COL23A1: variants seen among roughly 807,000 people sequenced by gnomAD.
COL23A1 encodes the protein collagen type XXIII alpha 1 chain, also known as collagen alpha-1(XXIII) chain.
COL23A1 carries 97 observed loss-of-function variants against 99.3 expected under a neutral mutation model. That is an observed-to-expected ratio of 0.98 (90% CI 0.83 to 1.16). The LOEUF (loss-of-function observed/expected upper bound fraction) is 1.16. COL23A1 is among the 50% of genes most tolerant of loss of function. The pLI is 0.00. For missense variants in COL23A1, 762 were observed against 757.4 expected (o/e 1.01, Z -0.07); for synonymous variants, 320 against 308.2 (o/e 1.04, Z -0.40).
chr5:178,508,984 G>A (rs956393405), intron 2 of COL23A1, among the ~76,000 whole-genome samples: 26 of 152,162 alleles, frequency 1.7e-4, no homozygotes, highest in African/African-American at 6.0e-4. Flanking sequence ...GAAGTTACTT[G>A]AAGCCTTTAA....
chr5:178,330,353 A>C (rs1451163587), intron 2 of COL23A1, among the ~76,000 whole-genome samples: 3 of 152,232 alleles, frequency 2.0e-5, no homozygotes, highest in African/African-American at 7.2e-5. Context: ...CTCCCTCTGC[A>C]CACGGGTGCA....
chr5:178,249,185 C>T lies in COL23A1; in HGVS notation c.1081G>A (p.Asp361Asn), dbSNP rs369459030. The T allele has an allele frequency of 6.2e-7, 1 of 1,614,248 alleles. No homozygotes were observed. Among genetic ancestry groups the T allele is most frequent in the Non-Finnish European group, 8.5e-7 (1 of 1,180,038 alleles). ...CCTGCTGGCCCAGGCTCTCCTGGGT[C>T]TCCTTTCTGTCCTTTGGGGCCCTGA... ...GEKGPKGQKGDPGEPGPAGLK... is the reference protein window; with the variant it reads ...GEKGPKGQKGNPGEPGPAGLK... Residue 361 changes from aspartate to asparagine, a missense_variant, in exon 19 of 29, where the codon GAC becomes AAC. By Grantham distance (23) the Asp-to-Asn change is conservative. Transcript: ENST00000390654.
At chr5:178,587,715 C>T (rs1320661479) in intron 1 of COL23A1, among the ~76,000 whole-genome samples, 1 of 152,198 alleles carries the variant, frequency 6.6e-6, no homozygotes, top group Admixed American at 6.5e-5. Flanking sequence ...GAAAAAGTAT[C>T]TATACATCTA....
chr5:178,344,801 T>C (rs1439214407), intron 2 of COL23A1: 2 of 582,620 alleles, frequency 3.4e-6, no homozygotes, highest in African/African-American at 3.8e-5. Flanking sequence ...AATTTCTCTT[T>C]GTTAAGATCA....
chr5:178,451,935 ATTC>A (rs1767512744), intron 2 of COL23A1, among the ~76,000 whole-genome samples: 1 of 152,142 alleles, frequency 6.6e-6, no homozygotes. Context: ...AGAAATAATA[ATTC>A]TTATGTTAAT....
intron 2 of COL23A1, among the ~76,000 whole-genome samples, chr5:178,353,970 C>G (rs1282122377): frequency 6.7e-6 from 1 of 150,118 alleles, no homozygotes; most frequent in African/African-American, 2.5e-5. Flanking sequence ...AAAACCCCAA[C>G]AAAAAACAGG....
intron 5 of COL23A1, among the ~76,000 whole-genome samples, chr5:178,284,439 TAGAC>T (rs1421201270): frequency 6.6e-6 from 1 of 152,218 alleles, no homozygotes; most frequent in Admixed American, 6.5e-5. Flanking sequence ...TTTGGGGAAA[TAGAC>T]AGCATTTATT....
At chr5:178,557,401 C>T (rs1424211340) in intron 2 of COL23A1, among the ~76,000 whole-genome samples, 1 of 152,162 alleles carries the variant, frequency 6.6e-6, no homozygotes, top group South Asian at 2.1e-4. Context: ...AGGATTCAAC[C>T]CACTACACTA....
chr5:178,247,444 TTTGCTTTGCCCATTGGCAAGGCTC>T, intron 22 of COL23A1, 58 bp downstream of exon 22: 1 of 1,522,732 alleles, frequency 6.6e-7, no homozygotes. Flanking sequence ...CGTCAGGCCC[TTTGCTTTGCCCATTGGCAAGGCTC>T]TTGGAAACTG....
chr5:178,300,702 G>A (rs912567900), intron 3 of COL23A1, among the ~76,000 whole-genome samples: 9 of 149,320 alleles, frequency 6.0e-5, no homozygotes, highest in Non-Finnish European at 1.0e-4. Flanking sequence ...GGGACTATAG[G>A]CACGCCTGGC....
chr5:178,488,105 G>A (rs913222027), intron 2 of COL23A1, among the ~76,000 whole-genome samples: 6 of 152,198 alleles, frequency 3.9e-5, no homozygotes, highest in Non-Finnish European at 7.3e-5. Flanking sequence ...TGGCACACAC[G>A]GAGCACTCCG....
At chr5:178,373,800 C>T (rs1762925738) in intron 2 of COL23A1, among the ~76,000 whole-genome samples, 2 of 152,224 alleles carry the variant, frequency 1.3e-5, no homozygotes, top group South Asian at 4.1e-4. Context: ...ACCCTGTTTC[C>T]TCCCATCCTC....
chr5:178,264,425 G>A (rs993417530), intron 8 of COL23A1, among the ~76,000 whole-genome samples: 11 of 151,962 alleles, frequency 7.2e-5, no homozygotes, highest in African/African-American at 2.4e-4. Context: ...GTTAGTACTG[G>A]GGTCAGACCT....
intron 2 of COL23A1, among the ~76,000 whole-genome samples, chr5:178,518,745 G>A (rs1284709150): frequency 6.7e-6 from 1 of 150,226 alleles, no homozygotes; most frequent in African/African-American, 2.4e-5. Flanking sequence ...CGGGGTGGCA[G>A]CCGGGCAGAG....
chr5:178,519,398 T>C (rs1244506183), intron 2 of COL23A1, among the ~76,000 whole-genome samples: 4 of 152,128 alleles, frequency 2.6e-5, no homozygotes, highest in African/African-American at 9.7e-5. Flanking sequence ...GCACACAATG[T>C]GCGTCCATGA....
At chr5:178,572,451 A>G (rs1763157818) in intron 1 of COL23A1, among the ~76,000 whole-genome samples, 1 of 152,216 alleles carries the variant, frequency 6.6e-6, no homozygotes, top group South Asian at 2.1e-4. Context: ...ACACAAAAAA[A>G]AATCAAGAAA....
intron 2 of COL23A1, among the ~76,000 whole-genome samples, chr5:178,523,341 C>T (rs1458426323): frequency 1.4e-5 from 2 of 142,398 alleles, no homozygotes; most frequent in East Asian, 2.0e-4. Flanking sequence ...GCACGAGAAT[C>T]GCTTGAACCT....
Position 178,311,505 on chromosome 5 carries a change from TGC to T in COL23A1, c.362-4588_362-4587del, listed in dbSNP as rs145792009. ...TCCTCTGTGTGTGTGTGTGTGTGTG[TGC>T]GCGTGTGTGTGTGTGTGTGTGTGTA... On this transcript the variant is annotated intron_variant, in intron 2 of 28. Coordinates refer to ENST00000390654, the MANE Select transcript of COL23A1 (RefSeq NM_173465.4). Among the ~76,000 whole-genome samples the T allele has an allele frequency of 1.1e-3, 11 of 9,648 alleles. No homozygotes were observed. The South Asian group carries it at 0.012, about 10-fold the overall frequency. The allele number at this position is 9,648 out of a possible 152,430, so 6.3% of individuals were successfully genotyped here.
intron 2 of COL23A1, among the ~76,000 whole-genome samples, chr5:178,465,965 C>T (rs1029467437): frequency 1.3e-5 from 2 of 152,170 alleles, no homozygotes; most frequent in African/African-American, 4.8e-5. Context: ...AGTAGAGCCT[C>T]GGGGTGAGTG....
Sources: gnomAD v4.1 joint callset for allele counts (sites outside exome capture counted in the v4.1 genomes callset) on GRCh38, gnomAD v4.1.1 for gene constraint, MANE v1.5 for transcripts, NCBI Gene and HGNC (gene_info 2026-07-23, HGNC 2026-07-21) for gene names.